GRM8: variants seen among roughly 807,000 people sequenced by gnomAD.
The protein encoded by GRM8 is glutamate metabotropic receptor 8.
In GRM8, 47 loss-of-function variants were observed where a neutral mutation model predicts 87.2. The ratio of observed to expected loss-of-function variants is 0.54; its 90% CI spans 0.43 to 0.69. GRM8 has a LOEUF of 0.69. Among genes scored for constraint, GRM8 ranks in the 30% least tolerant of loss-of-function variants. The probability of loss-of-function intolerance (pLI) is 0.00; values close to 1 mark genes in which losing one functional copy is unlikely to be tolerated. For missense variants in GRM8, 1,019 were observed against 1,139.2 expected (o/e 0.89, Z 1.52); for synonymous variants, 396 against 404.5 (o/e 0.98, Z 0.25).
chr7:127,137,723 A>C (rs1828023234), intron 2 of GRM8, among the ~76,000 whole-genome samples: 1 of 152,154 alleles, frequency 6.6e-6, no homozygotes, highest in Non-Finnish European at 1.5e-5. Flanking sequence ...TATTAAAAAA[A>C]AATAAAAACA....
chr7:127,155,933 G>C (rs577131834), intron 2 of GRM8, among the ~76,000 whole-genome samples: 46 of 152,252 alleles, frequency 3.0e-4, no homozygotes, highest in African/African-American at 1.0e-3. Context: ...CAGCACAGGA[G>C]AGGGTAGTAG....
At chr7:127,225,637 A>G (rs1017357776) in intron 2 of GRM8, among the ~76,000 whole-genome samples, 2 of 149,920 alleles carry the variant, frequency 1.3e-5, no homozygotes, top group East Asian at 3.9e-4. Context: ...CTCTACCTAT[A>G]GATAGATATA....
chr7:126,923,652 C>A lies in GRM8; in HGVS notation c.728-18969G>T, dbSNP rs1044217947. Among the ~76,000 whole-genome samples, 3 of 152,138 alleles carry A rather than the reference C, an allele frequency of 2.0e-5. No homozygotes were observed. In the East Asian group the frequency reaches 5.8e-4, roughly 29 times the overall value. On this transcript the variant is annotated intron_variant, in intron 3 of 10. Coordinates refer to ENST00000339582, the MANE Select transcript of GRM8 (RefSeq NM_000845.3). The stretch of plus-strand genomic sequence containing the variant: ...AGAGAACAGGGAAACACGTGAGAAC[C>A]CAGAGGTAGGTATTTGCAGTCATGT...
chr7:127,123,465 T>C (rs1442443408), intron 2 of GRM8, among the ~76,000 whole-genome samples: 3 of 152,232 alleles, frequency 2.0e-5, no homozygotes, highest in East Asian at 3.9e-4. Flanking sequence ...TCCCTCTGTC[T>C]CACATTTCCT....
intron 7 of GRM8, among the ~76,000 whole-genome samples, chr7:126,715,325 A>C (rs1219252719): frequency 6.6e-6 from 1 of 152,202 alleles, no homozygotes; most frequent in Non-Finnish European, 1.5e-5. Context: ...AGGTGGTTAC[A>C]AAATTATTAC....
intron 9 of GRM8, among the ~76,000 whole-genome samples, chr7:126,490,206 C>A (rs1807837764): frequency 6.6e-6 from 1 of 152,064 alleles, no homozygotes; most frequent in Non-Finnish European, 1.5e-5. Flanking sequence ...AATACATTAC[C>A]CTTACCAACA....
intron 3 of GRM8, among the ~76,000 whole-genome samples, chr7:127,040,593 G>C (rs1279488146): frequency 1.2e-5 from 1 of 81,060 alleles, no homozygotes; most frequent in Non-Finnish European, 2.4e-5. Flanking sequence ...AGTTACTTCT[G>C]TATTCCTTGT....
intron 7 of GRM8, among the ~76,000 whole-genome samples, chr7:126,715,812 T>C (rs1478910158): frequency 1.3e-5 from 2 of 152,196 alleles, no homozygotes; most frequent in East Asian, 3.8e-4. Flanking sequence ...TAGGCTGAGG[T>C]AACCTTACTC....
At chr7:126,592,179 C>T (rs1346281800) in intron 8 of GRM8, among the ~76,000 whole-genome samples, 1 of 150,366 alleles carries the variant, frequency 6.7e-6, no homozygotes, top group Non-Finnish European at 1.5e-5. Flanking sequence ...AACCTGATGG[C>T]TTCATTGCTG....
At chr7:126,702,874 A>C (rs758514163) in intron 7 of GRM8, among the ~76,000 whole-genome samples, 2 of 152,212 alleles carry the variant, frequency 1.3e-5, no homozygotes, top group African/African-American at 2.4e-5. Context: ...AAAGACCTAA[A>C]GAATGAAAAG....
At chr7:127,031,556 A>T (rs746600059) in intron 3 of GRM8, among the ~76,000 whole-genome samples, 1 of 152,102 alleles carries the variant, frequency 6.6e-6, no homozygotes. Flanking sequence ...TCTCTGTTAC[A>T]AACTCTAAAG....
At chr7:126,772,378 C>T (rs28405954) in intron 6 of GRM8, among the ~76,000 whole-genome samples, 2,964 of 152,142 alleles carry the variant, frequency 0.019, 99 homozygotes, top group African/African-American at 0.068. Context: ...AACTTGATAA[C>T]GGAAAATAAA....
chr7:126,500,175 C>A (rs1421437795), intron 9 of GRM8, among the ~76,000 whole-genome samples: 1 of 151,914 alleles, frequency 6.6e-6, no homozygotes, highest in Non-Finnish European at 1.5e-5. Flanking sequence ...ACCTAGTCCT[C>A]CTGTCTTACT....
intron 3 of GRM8, among the ~76,000 whole-genome samples, chr7:127,018,055 T>C (rs932542994): frequency 2.0e-5 from 3 of 152,080 alleles, no homozygotes; most frequent in Non-Finnish European, 2.9e-5. Context: ...GCCGCTGGCC[T>C]CAAGGAATTT....
At chr7:126,713,354 C>T (rs1226504041) in intron 7 of GRM8, among the ~76,000 whole-genome samples, 1 of 152,040 alleles carries the variant, frequency 6.6e-6, no homozygotes, top group Non-Finnish European at 1.5e-5. Flanking sequence ...GAACAGAAAA[C>T]CAAATACCAC....
intron 8 of GRM8, among the ~76,000 whole-genome samples, chr7:126,572,372 A>G (rs1214444721): frequency 6.6e-6 from 1 of 152,194 alleles, no homozygotes; most frequent in Non-Finnish European, 1.5e-5. Context: ...TATCTATAAA[A>G]TAATACAAAG....
At chr7:126,499,082 T>A (rs576896511) in intron 9 of GRM8, among the ~76,000 whole-genome samples, 1 of 152,004 alleles carries the variant, frequency 6.6e-6, no homozygotes, top group Admixed American at 6.6e-5. Flanking sequence ...ATATTTATTA[T>A]CTTTTCCGTT....
At chr7:127,149,715 G>A (rs150821322) in intron 2 of GRM8, among the ~76,000 whole-genome samples, 2 of 151,932 alleles carry the variant, frequency 1.3e-5, no homozygotes, top group Non-Finnish European at 2.9e-5. Context: ...AATATACAAT[G>A]GAATATTGTT....
chr7:127,109,141 C>T (rs1435840899), intron 2 of GRM8, among the ~76,000 whole-genome samples: 1 of 152,102 alleles, frequency 6.6e-6, no homozygotes, highest in Non-Finnish European at 1.5e-5. Context: ...ATTTTCCCTA[C>T]ATCAAATTCA....
Sources: gnomAD v4.1 joint callset for allele counts (sites outside exome capture counted in the v4.1 genomes callset) on GRCh38, gnomAD v4.1.1 for gene constraint, MANE v1.5 for transcripts, NCBI Gene and HGNC (gene_info 2026-07-23, HGNC 2026-07-21) for gene names.